NADK2: variants seen among roughly 807,000 people sequenced by gnomAD.
NADK2 encodes NAD kinase domain-containing protein 1, mitochondrial.
Under a neutral mutation model 62.1 loss-of-function variants are expected in NADK2, and 35 were observed. That is an observed-to-expected ratio of 0.56 (90% CI 0.43 to 0.75). NADK2 has a LOEUF of 0.75. Among genes scored for constraint, NADK2 ranks in the 30% least tolerant of loss-of-function variants. The pLI, the probability that NADK2 is intolerant of heterozygous loss-of-function variation, is 0.00. For missense variants in NADK2, 439 were observed against 561.3 expected (o/e 0.78, Z 2.20); for synonymous variants, 205 against 207.9 (o/e 0.99, Z 0.12).
chr5:36,217,930 T>A, intron 5 of NADK2, 46 bp from the exon 6 acceptor site: 1 of 1,548,752 alleles, frequency 6.5e-7, no homozygotes, highest in Admixed American at 1.7e-5. Context: ...ATAGAATAAA[T>A]TAAAGAGTAG....
At chr5:36,213,514 A>G (rs1475553256) in intron 6 of NADK2, among the ~76,000 whole-genome samples, 1 of 150,798 alleles carries the variant, frequency 6.6e-6, no homozygotes, top group Admixed American at 6.6e-5. Context: ...ACAAGTTGAT[A>G]TTACAATACC....
intron 1 of NADK2, among the ~76,000 whole-genome samples, chr5:36,232,566 T>C (rs1747746150): frequency 8.1e-6 from 1 of 122,746 alleles, no homozygotes; most frequent in East Asian, 1.9e-4. Flanking sequence ...TGATCAGACC[T>C]AGTGCACTGA....
chr5:36,208,001 C>T (rs1481350948), intron 7 of NADK2, among the ~76,000 whole-genome samples: 1 of 152,002 alleles, frequency 6.6e-6, no homozygotes, highest in Admixed American at 6.6e-5. Flanking sequence ...TGTCTAAAAG[C>T]CTATTTTGTA....
At chr5:36,213,257 C>A (rs1457699617) in intron 6 of NADK2, 1 of 152,126 alleles carries the variant, frequency 6.6e-6, no homozygotes, top group Non-Finnish European at 1.5e-5. Flanking sequence ...TAAATATTTA[C>A]ATTTAAGATG....
At position 36,217,764 on chromosome 5, in the gene NADK2, T is replaced by C. The variant is rs1747100427; in HGVS notation, c.765A>G (p.Glu255=). The change falls in exon 6 of 12, where the codon GAA becomes GAG. Residue 255 remains glutamate (E), a synonymous_variant. Transcript: ENST00000381937. ...LNQHNRALNI[E]RAHDERSEAS... The stretch of plus-strand genomic sequence containing the variant: ...TCCACCTACTTTCATCATGAGCTCT[T>C]TCAATGTTAAGGGCTCTATTGTGCT... The C allele has an allele frequency of 1.9e-6, 3 of 1,613,762 alleles. No individual in the cohort carries two copies. In the Admixed American group the frequency reaches 5.0e-5, roughly 27 times the overall value.
chr5:36,200,849 C>A (rs976428019), intron 9 of NADK2, among the ~76,000 whole-genome samples: 5 of 151,794 alleles, frequency 3.3e-5, no homozygotes, highest in Admixed American at 1.3e-4. Flanking sequence ...ATCAGATATG[C>A]CAAAGAGAAG....
chr5:36,207,503 C>A (rs978183578), intron 7 of NADK2, among the ~76,000 whole-genome samples: 1 of 150,928 alleles, frequency 6.6e-6, no homozygotes, highest in Non-Finnish European at 1.5e-5. Flanking sequence ...TCCTTTCTGT[C>A]AATACTTTAA....
intron 8 of NADK2, among the ~76,000 whole-genome samples, chr5:36,203,375 AT>A (rs1746516992): frequency 6.6e-6 from 1 of 152,030 alleles, no homozygotes; most frequent in Non-Finnish European, 1.5e-5. Context: ...CTCTTCCTAC[AT>A]TTTTTGAAGC....
Position 36,226,504 on chromosome 5 carries a change from C to T in NADK2, c.449G>A (p.Arg150Gln), listed in dbSNP as rs142251085. 8.0e-5 allele frequency: 129 copies of T among 1,612,998 alleles called. No individual in the cohort carries two copies. The highest frequency in any genetic ancestry group is 1.1e-4 in the East Asian group (5 of 44,824). ...KRREYDEETV[R>Q]WADAVIAAGG... is the part of the protein sequence containing the mutation. ...TGCAGCTATGACAGCATCTGCCCATCGAACAGTCTCTTCATCATATTCTCT... is the reference window on the plus strand; with the variant it reads ...TGCAGCTATGACAGCATCTGCCCATTGAACAGTCTCTTCATCATATTCTCT... The change falls in exon 3 of 12, where the codon CGA becomes CAA. Residue 150 changes from arginine to glutamine, a missense_variant. Arg to Gln is a conservative substitution (Grantham distance 43). Transcript: ENST00000381937.
chr5:36,201,205 C>A (rs756862350), intron 8 of NADK2, 44 bp from the exon 9 acceptor site: 3 of 1,531,592 alleles, frequency 2.0e-6, no homozygotes, highest in Admixed American at 1.7e-5. Flanking sequence ...ATTCTAAAAA[C>A]ATGCTAAAAA....
intron 4 of NADK2, among the ~76,000 whole-genome samples, chr5:36,224,613 G>C (rs1390320659): frequency 6.6e-6 from 1 of 151,854 alleles, no homozygotes; most frequent in Non-Finnish European, 1.5e-5. Flanking sequence ...GAAAGTGAAT[G>C]AAGTGAGGAA....
At chr5:36,227,603 A>G (rs1340643616) in intron 1 of NADK2, 38 bp from the exon 2 acceptor site, 2 of 1,116,494 alleles carry the variant, frequency 1.8e-6, no homozygotes, top group Admixed American at 6.3e-5. Context: ...TTACTAATAT[A>G]TATTACACAT....
chr5:36,214,250 C>T (rs769888211), intron 6 of NADK2, among the ~76,000 whole-genome samples: 1 of 152,096 alleles, frequency 6.6e-6, no homozygotes, highest in Non-Finnish European at 1.5e-5. Context: ...GGCACAATCT[C>T]GGCTCACTGC....
At chr5:36,196,257 G>T (rs2112048423) in intron 11 of NADK2, among the ~76,000 whole-genome samples, 1 of 152,254 alleles carries the variant, frequency 6.6e-6, no homozygotes, top group South Asian at 2.1e-4. Context: ...ATTCCTAACA[G>T]AAATTTAGGA....
At chr5:36,217,664 A>T (rs12186984) in intron 6 of NADK2, 84 bp downstream of exon 6, 2 of 577,316 alleles carry the variant, frequency 3.5e-6, no homozygotes, top group Admixed American at 3.4e-5. Context: ...AAAAACAAGT[A>T]AATTATTACA....
At chr5:36,223,359 T>A (rs1441838182) in intron 4 of NADK2, among the ~76,000 whole-genome samples, 1 of 152,058 alleles carries the variant, frequency 6.6e-6, no homozygotes, top group African/African-American at 2.4e-5. Flanking sequence ...AGTGTTGGAA[T>A]AAAGATTCTG....
At chr5:36,202,057 C>G (rs184528864) in intron 8 of NADK2, among the ~76,000 whole-genome samples, 1 of 152,120 alleles carries the variant, frequency 6.6e-6, no homozygotes, top group African/African-American at 2.4e-5. Flanking sequence ...CAACGCAATT[C>G]TAAATCTAAA....
intron 4 of NADK2, among the ~76,000 whole-genome samples, chr5:36,223,234 A>G (rs766160909): frequency 3.3e-5 from 5 of 152,210 alleles, no homozygotes; most frequent in African/African-American, 7.2e-5. Flanking sequence ...GACAAAAAAA[A>G]AATCTAGGCA....
At chr5:36,228,547 C>T (rs76583487) in intron 1 of NADK2, among the ~76,000 whole-genome samples, 11 of 151,896 alleles carry the variant, frequency 7.2e-5, no homozygotes, top group South Asian at 2.1e-4. Flanking sequence ...ATTATAGGCA[C>T]GTGTCACTGT....
Sources: allele counts gnomAD v4.1 joint callset (sites outside exome capture counted in the v4.1 genomes callset), GRCh38; gene constraint gnomAD v4.1.1; transcripts MANE v1.5; gene names NCBI Gene and HGNC (gene_info 2026-07-23, HGNC 2026-07-21).